The following NBEA variants were observed in gnomAD, a reference collection of about 807,000 sequenced individuals.
NBEA encodes lysosomal-trafficking regulator 2.
A neutral mutation model predicts 343.4 loss-of-function variants in NBEA; 44 were observed. That is an observed-to-expected ratio of 0.13 (90% CI 0.10 to 0.16). The LOEUF (loss-of-function observed/expected upper bound fraction) is 0.16, where lower values mean the gene tolerates loss of function less well. Ranked by LOEUF, NBEA falls within the 10% of genes least tolerant of loss-of-function variation. The pLI, the probability that NBEA is intolerant of heterozygous loss-of-function variation, is 1.00. For synonymous variants in NBEA, 1,175 were observed against 1,238.7 expected, an observed-to-expected ratio of 0.95 and a Z score of 1.08; for missense variants, 2,555 against 3,631.3, an observed-to-expected ratio of 0.70 and a Z score of 7.62.
At chr13:35,308,458 A>ATATG (rs2037070209) in intron 35 of NBEA, among the ~76,000 whole-genome samples, 1 of 118,466 alleles carries the variant, frequency 8.4e-6, no homozygotes, top group Non-Finnish European at 1.6e-5. Flanking sequence ...ATATATATAT[A>ATATG]TATATATATA....
At chr13:35,272,682 C>CA (rs1049106476) in intron 34 of NBEA, among the ~76,000 whole-genome samples, 8 of 150,686 alleles carry the variant, frequency 5.3e-5, no homozygotes, top group East Asian at 1.9e-4. Context: ...AAATGGAAAG[C>CA]AAAAAAAAGC....
chr13:35,206,509 AT>A (rs1426642050), intron 31 of NBEA, among the ~76,000 whole-genome samples: 1 of 152,180 alleles, frequency 6.6e-6, no homozygotes, highest in Non-Finnish European at 1.5e-5. Context: ...GAAATAGTAC[AT>A]CTCACATTAT....
chr13:35,645,754 T>G (rs2084196407), intron 49 of NBEA, 115 bp from the exon 50 acceptor site: 3 of 505,112 alleles, frequency 5.9e-6, no homozygotes, highest in Non-Finnish European at 7.0e-6. Context: ...TTCTATAAAA[T>G]CTTGGTGTTC....
At chr13:34,979,471 G>A (rs2060285295) in intron 1 of NBEA, among the ~76,000 whole-genome samples, 1 of 151,900 alleles carries the variant, frequency 6.6e-6, no homozygotes, top group African/African-American at 2.4e-5. Flanking sequence ...AGTGAGCCAA[G>A]ATTGAGCCAC....
At chr13:35,149,839 C>A (rs1194856070) in intron 18 of NBEA, among the ~76,000 whole-genome samples, 4 of 152,046 alleles carry the variant, frequency 2.6e-5, no homozygotes, top group Admixed American at 2.6e-4. Context: ...GTAGTACTAA[C>A]CTTTAAATAA....
At chr13:34,998,846 G>A (rs1397573460) in intron 1 of NBEA, among the ~76,000 whole-genome samples, 1 of 152,166 alleles carries the variant, frequency 6.6e-6, no homozygotes, top group Non-Finnish European at 1.5e-5. Context: ...AAGATGACGG[G>A]ATTAAGAGAT....
intron 11 of NBEA, among the ~76,000 whole-genome samples, chr13:35,107,501 T>G (rs555468692): frequency 6.6e-6 from 1 of 152,174 alleles, no homozygotes; most frequent in South Asian, 2.1e-4. Context: ...CCCTTCTTAG[T>G]AAAACCTGTT....
At chr13:35,567,948 C>T (rs899923685) in intron 45 of NBEA, among the ~76,000 whole-genome samples, 2 of 152,130 alleles carry the variant, frequency 1.3e-5, no homozygotes, top group Non-Finnish European at 2.9e-5. Flanking sequence ...CTAGACGTAC[C>T]TAAGTTGAAG....
At chr13:35,273,132 A>G (rs775168897) in intron 34 of NBEA, among the ~76,000 whole-genome samples, 1 of 152,244 alleles carries the variant, frequency 6.6e-6, no homozygotes, top group African/African-American at 2.4e-5. Context: ...ATGAAAAAGA[A>G]CAGAAATCAC....
At chr13:35,255,185 T>C (rs1344468791) in intron 34 of NBEA, among the ~76,000 whole-genome samples, 1 of 152,234 alleles carries the variant, frequency 6.6e-6, no homozygotes, top group Non-Finnish European at 1.5e-5. Context: ...CCCCACTGAA[T>C]GGTTATACTT....
At chr13:35,198,129 G>C (rs1183072244) in intron 31 of NBEA, among the ~76,000 whole-genome samples, 1 of 152,062 alleles carries the variant, frequency 6.6e-6, no homozygotes, top group Non-Finnish European at 1.5e-5. Context: ...CATTCATATA[G>C]TGATGTTCCC....
chr13:35,425,873 G>T (rs1258448759), intron 38 of NBEA, among the ~76,000 whole-genome samples: 1 of 152,166 alleles, frequency 6.6e-6, no homozygotes, highest in Non-Finnish European at 1.5e-5. Context: ...AGCTCTTCTT[G>T]TTGAATTGAT....
intron 31 of NBEA, among the ~76,000 whole-genome samples, chr13:35,202,889 A>T (rs557489026): frequency 1.3e-3 from 202 of 152,048 alleles, no homozygotes; most frequent in African/African-American, 4.8e-3. Flanking sequence ...CTTAAGGCAA[A>T]TTTTTTTGCA....
At chr13:35,242,552 C>T (rs2030488945) in intron 34 of NBEA, among the ~76,000 whole-genome samples, 1 of 151,796 alleles carries the variant, frequency 6.6e-6, no homozygotes, top group Admixed American at 6.6e-5. Flanking sequence ...AACTGAAGCT[C>T]AACAAGCTCC....
In NBEA at chr13:34,987,532, T is replaced by A. The variant is rs562014812; in HGVS notation, c.294+44418T>A. 2.6e-5 allele frequency among the ~76,000 whole-genome samples: 4 copies of A among 151,058 alleles called. No homozygotes were observed. In the East Asian group the frequency reaches 7.7e-4, roughly 29 times the overall value. On this transcript the variant is annotated intron_variant, in intron 1 of 58. Transcript: ENST00000379939. ...GTTCTTTGTGTTTCCTGAATTTGAA[T>A]GTTGGCCTGTCTTGCTGGGTTGGGG... is the stretch of plus-strand genomic sequence containing the variant.
intron 1 of NBEA, among the ~76,000 whole-genome samples, chr13:35,009,809 G>C (rs1566157626): frequency 6.6e-6 from 1 of 152,186 alleles, no homozygotes; most frequent in Non-Finnish European, 1.5e-5. Context: ...TACTCTTTTA[G>C]ATCAGGGTGC....
intron 41 of NBEA, among the ~76,000 whole-genome samples, chr13:35,484,264 GTGTGTGTGTGTATATA>G (rs1178852470): frequency 7.4e-6 from 1 of 135,994 alleles, no homozygotes; most frequent in Admixed American, 7.9e-5. Flanking sequence ...GTGTGTGTGT[GTGTGTGTGTGTATATA>G]TATATATATA....
intron 38 of NBEA, among the ~76,000 whole-genome samples, chr13:35,396,550 C>T (rs2042753608): frequency 6.6e-6 from 1 of 152,008 alleles, no homozygotes; most frequent in African/African-American, 2.4e-5. Flanking sequence ...ACCTTGAAAC[C>T]ATATAGATTC....
At chr13:35,342,318 G>A (rs938821768) in intron 36 of NBEA, among the ~76,000 whole-genome samples, 4 of 152,050 alleles carry the variant, frequency 2.6e-5, no homozygotes, top group African/African-American at 9.7e-5. Flanking sequence ...AACCACTACA[G>A]TGTACATTTT....
Sources: allele counts gnomAD v4.1 joint callset (sites outside exome capture counted in the v4.1 genomes callset), GRCh38; gene constraint gnomAD v4.1.1; transcripts MANE v1.5; gene names NCBI Gene and HGNC (gene_info 2026-07-23, HGNC 2026-07-21).